The following POMGNT2 variants were observed in gnomAD, a reference collection of about 807,000 sequenced individuals.
The protein encoded by POMGNT2 is protein O-linked-mannose beta-1,4-N-acetylglucosaminyltransferase 2.
In POMGNT2, 32 loss-of-function variants were observed where a neutral mutation model predicts 37.8. The observed-to-expected ratio is 0.85, with a 90% CI of 0.64 to 1.14. The LOEUF is 1.14. Among genes scored for constraint, POMGNT2 ranks in the 50% most tolerant of loss-of-function variants. The probability of loss-of-function intolerance (pLI) is 0.00; values close to 1 mark genes in which losing one functional copy is unlikely to be tolerated. For missense variants in POMGNT2, 705 were observed against 780.6 expected (o/e 0.90, Z 1.15); for synonymous variants, 340 against 336.8 (o/e 1.01, Z -0.10).
intron 1 of POMGNT2, among the ~76,000 whole-genome samples, chr3:43,104,897 G>A (rs1398641011): frequency 6.6e-6 from 1 of 152,206 alleles, no homozygotes; most frequent in African/African-American, 2.4e-5. Context: ...GCTAAGAGAG[G>A]ATAAGTGACT....
chr3:43,095,855 C>T (rs969149593), intron 1 of POMGNT2, among the ~76,000 whole-genome samples: 6 of 152,148 alleles, frequency 3.9e-5, no homozygotes, highest in African/African-American at 1.2e-4. Context: ...CAGGGAGGAG[C>T]GAGCCCAAAT....
intron 1 of POMGNT2, among the ~76,000 whole-genome samples, chr3:43,083,182 C>T (rs1481111768): frequency 1.3e-5 from 2 of 152,194 alleles, no homozygotes; most frequent in Non-Finnish European, 2.9e-5. Flanking sequence ...AAGTATCATA[C>T]ATTCTAGCTT....
chr3:43,103,665 T>C (rs139152117), intron 1 of POMGNT2, among the ~76,000 whole-genome samples: 13 of 152,240 alleles, frequency 8.5e-5, no homozygotes, highest in African/African-American at 3.1e-4. Context: ...GCTGCAAGAC[T>C]GGAGGCTGCC....
intron 1 of POMGNT2, among the ~76,000 whole-genome samples, chr3:43,103,385 T>TA (rs2090033581): frequency 6.6e-6 from 1 of 151,920 alleles, no homozygotes; most frequent in Admixed American, 6.6e-5. Context: ...ACGAAGGCAT[T>TA]TCTTCTCATA....
At position 43,080,436 on chromosome 3, in the gene POMGNT2, CACG is replaced by C; in HGVS notation, c.993_995del (p.Val332del). The stretch of plus-strand genomic sequence containing the variant: ...GCATGGAGGCATTGCTGACCAGCCG[CACG>C]ACATCAGCAAAGGTGTGGTCCTCCA... On this transcript the variant is annotated inframe_deletion, in exon 2 of 2. Coordinates refer to ENST00000344697, the MANE Select transcript of POMGNT2 (RefSeq NM_032806.6). 6.2e-7 allele frequency: 1 copy of C among 1,614,186 alleles called. No individual in the cohort carries two copies. Among genetic ancestry groups the C allele is most frequent in the Non-Finnish European group, 8.5e-7 (1 of 1,180,040 alleles).
intron 1 of POMGNT2, among the ~76,000 whole-genome samples, chr3:43,100,805 C>A (rs747366812): frequency 6.6e-6 from 1 of 152,128 alleles, no homozygotes; most frequent in African/African-American, 2.4e-5. Flanking sequence ...TCAGGGCCAG[C>A]TATTTTCTAG....
At chr3:43,082,025 G>C (rs17470089) in intron 1 of POMGNT2, among the ~76,000 whole-genome samples, 26,807 of 152,240 alleles carry the variant, frequency 0.18, 2,557 homozygotes, top group East Asian at 0.28. Flanking sequence ...TCAGCCAAAC[G>C]CAGCCAAGAT....
chr3:43,093,325 T>TG (rs981752922), intron 1 of POMGNT2, among the ~76,000 whole-genome samples: 2 of 152,140 alleles, frequency 1.3e-5, no homozygotes, highest in Non-Finnish European at 2.9e-5. Flanking sequence ...CTGGAGGACG[T>TG]GGGGGCTGCT....
Position 43,079,735 on chromosome 3 carries a change from T to C in POMGNT2, c.1697A>G (p.Lys566Arg), listed in dbSNP as rs772815657. Reference protein sequence around the residue: ...YLVWVRCIFNKILLGPFADVL... With the variant: ...YLVWVRCIFNRILLGPFADVL... ...ATCTGCAAAGGGTCCCAGGAGGATC[T>C]TGTTGAAGATGCAGCGGACCCACAC... The change falls in exon 2 of 2, where the codon AAG (lysine) becomes AGG (arginine). Residue 566 changes from lysine (K) to arginine (R), a missense_variant. Transcript: ENST00000344697. 2.5e-6 allele frequency: 4 copies of C among 1,614,148 alleles called. No individual in the cohort carries two copies. Among genetic ancestry groups the C allele is most frequent in the Non-Finnish European group, 2.5e-6 (3 of 1,180,022 alleles).
intron 1 of POMGNT2, among the ~76,000 whole-genome samples, chr3:43,097,541 T>TG (rs1257868449): frequency 2.0e-5 from 3 of 150,400 alleles, no homozygotes; most frequent in Admixed American, 2.0e-4. Context: ...GAGAGGGAGG[T>TG]GGGGAGAGAG....
intron 1 of POMGNT2, among the ~76,000 whole-genome samples, chr3:43,101,678 G>A (rs2090020024): frequency 6.6e-6 from 1 of 152,148 alleles, no homozygotes; most frequent in Non-Finnish European, 1.5e-5. Context: ...ACAATTTTGC[G>A]ATACTCAGCA....
At chr3:43,100,095 G>C (rs2090006689) in intron 1 of POMGNT2, among the ~76,000 whole-genome samples, 1 of 151,968 alleles carries the variant, frequency 6.6e-6, no homozygotes, top group South Asian at 2.1e-4. Flanking sequence ...TGCATGTATA[G>C]GACAAAGAAC....
At position 43,091,391 on chromosome 3, in the gene POMGNT2, C is replaced by T. The variant is rs930667438; in HGVS notation, c.-105-9855G>A. 6.6e-5 allele frequency among the ~76,000 whole-genome samples: 10 copies of T among 152,130 alleles called. No individual in the cohort carries two copies. In the South Asian group the frequency reaches 1.2e-3, roughly 19 times the overall value. On this transcript the variant is annotated intron_variant, in intron 1 of 1. Transcript: ENST00000344697. ...AAAGTAATAGTAATGAATTATAACC[C>T]ATAGAATAAAATATCCATGAGTCAA...
In POMGNT2 at chr3:43,098,083, G is replaced by A. The variant is rs76364821; in HGVS notation, c.-106+7753C>T. ...AGAAGATCAGGCAGGGCCCAGGCCA[G>A]GAGGGGGTCAGCAACGGTGCAGAAG... On this transcript the variant is annotated intron_variant, in intron 1 of 1. Transcript: ENST00000344697. The surrounding 1 kb of genome is among the most constrained non-coding windows in gnomAD (Gnocchi z 4.3). Among the ~76,000 whole-genome samples, 1,640 of 152,358 alleles carry A rather than the reference G, an allele frequency of 0.011. 42 individuals are homozygous for A. Among genetic ancestry groups the A allele is most frequent in the African/African-American group, 0.037 (1,544 of 41,570 alleles).
chr3:43,101,885 C>T (rs1053799187), intron 1 of POMGNT2, among the ~76,000 whole-genome samples: 5 of 152,148 alleles, frequency 3.3e-5, no homozygotes, highest in Admixed American at 2.0e-4. Context: ...CCCATTCCTT[C>T]CCACACAAAG....
At chr3:43,104,421 C>G (rs1182713060) in intron 1 of POMGNT2, among the ~76,000 whole-genome samples, 1 of 152,226 alleles carries the variant, frequency 6.6e-6, no homozygotes, top group African/African-American at 2.4e-5. Context: ...AAGCAAGGCT[C>G]AGAGCAAGAA....
intron 1 of POMGNT2, among the ~76,000 whole-genome samples, chr3:43,088,882 T>A (rs1452804755): frequency 4.6e-5 from 7 of 152,142 alleles, no homozygotes. Flanking sequence ...CCAGGTTGGG[T>A]TGGGATTTTG....
rs1409499829 is a variant in POMGNT2 at position 43,098,560 on chromosome 3, G to C, written c.-106+7276C>G. 6.6e-6 allele frequency among the ~76,000 whole-genome samples: 1 copy of C among 152,098 alleles called. No homozygotes were observed. The highest frequency in any genetic ancestry group is 6.5e-5 in the Admixed American group (1 of 15,270). ...AAAACTTAACACATTTAATTATCAA[G>C]GCATATTTAACATTTAGTTAAGGGC... On this transcript the variant is annotated intron_variant, in intron 1 of 1. Coordinates refer to ENST00000344697, the MANE Select transcript of POMGNT2 (RefSeq NM_032806.6). The surrounding 1 kb of genome is among the most constrained non-coding windows in gnomAD (Gnocchi z 4.3).
chr3:43,090,856 G>A (rs1421520103), intron 1 of POMGNT2, among the ~76,000 whole-genome samples: 2 of 152,178 alleles, frequency 1.3e-5, no homozygotes, highest in African/African-American at 2.4e-5. Context: ...AGGAACATGA[G>A]CAGGAGGAAC....
Sources: gnomAD v4.1 joint callset for allele counts (sites outside exome capture counted in the v4.1 genomes callset) on GRCh38, gnomAD v4.1.1 for gene constraint, Gnocchi (gnomAD v3.1) non-coding constraint, MANE v1.5 for transcripts, NCBI Gene and HGNC (gene_info 2026-07-23, HGNC 2026-07-21) for gene names.